The following MAML2 variants were observed in gnomAD, a reference collection of about 807,000 sequenced individuals.
MAML2 encodes the protein mastermind like transcriptional coactivator 2, also known as mastermind-like protein 2.
MAML2 carries 22 observed loss-of-function variants against 96.1 expected under a neutral mutation model. The ratio of observed to expected loss-of-function variants is 0.23; its 90% CI spans 0.16 to 0.33. The LOEUF (loss-of-function observed/expected upper bound fraction) is 0.33. Among genes scored for constraint, MAML2 ranks in the 10% least tolerant of loss-of-function variants. MAML2 has a pLI of 1.00. For missense variants in MAML2, 1,367 were observed against 1,392.4 expected (o/e 0.98, Z 0.29); for synonymous variants, 561 against 521.3 (o/e 1.08, Z -1.04).
intron 1 of MAML2, 52 bp downstream of exon 1, chr11:96,341,331 C>T: frequency 6.8e-7 from 1 of 1,471,912 alleles, no homozygotes; most frequent in Non-Finnish European, 9.0e-7. Flanking sequence ...ACTCTACCCT[C>T]ACAAAAGGTC....
intron 1 of MAML2, among the ~76,000 whole-genome samples, chr11:96,224,851 G>C (rs1844706771): frequency 6.6e-6 from 1 of 152,128 alleles, no homozygotes; most frequent in African/African-American, 2.4e-5. Context: ...GATTCTTCAA[G>C]TACTGGTGAT....
intron 1 of MAML2, among the ~76,000 whole-genome samples, chr11:96,211,985 C>T (rs543169906): frequency 2.6e-5 from 4 of 151,854 alleles, no homozygotes; most frequent in South Asian, 2.1e-4. Context: ...AATAGGAAAG[C>T]GATGTGCTGG....
chr11:96,147,769 A>G (rs1860842791), intron 1 of MAML2, among the ~76,000 whole-genome samples: 1 of 152,220 alleles, frequency 6.6e-6, no homozygotes, highest in African/African-American at 2.4e-5. Context: ...AGTTTTTTAC[A>G]CTCCAGTATG....
At chr11:96,258,531 T>C (rs1036941577) in intron 1 of MAML2, among the ~76,000 whole-genome samples, 1 of 152,182 alleles carries the variant, frequency 6.6e-6, no homozygotes, top group Non-Finnish European at 1.5e-5. Context: ...TTAGCTGTGA[T>C]TTGCAATGGG....
intron 1 of MAML2, among the ~76,000 whole-genome samples, chr11:96,141,051 T>TTATATATATAACTATATAA (rs1860722547): frequency 6.6e-6 from 1 of 152,174 alleles, no homozygotes; most frequent in Admixed American, 6.5e-5. Context: ...ATTTGGCCTG[T>TTATATATATAACTATATAA]CTTTACCATA....
chr11:96,329,021 G>A (rs566021568), intron 1 of MAML2, among the ~76,000 whole-genome samples: 51 of 152,142 alleles, frequency 3.4e-4, no homozygotes, highest in African/African-American at 1.2e-3. Context: ...ATGGAGAGAC[G>A]GATGTACACA....
At chr11:96,303,953 A>G (rs55966876) in intron 1 of MAML2, among the ~76,000 whole-genome samples, 1 of 152,220 alleles carries the variant, frequency 6.6e-6, no homozygotes, top group East Asian at 1.9e-4. Flanking sequence ...TCTTGTCACC[A>G]AATATGTAGT....
chr11:96,042,359 T>C (rs917247728), intron 2 of MAML2, among the ~76,000 whole-genome samples: 13 of 152,090 alleles, frequency 8.5e-5, no homozygotes, highest in African/African-American at 3.1e-4. Flanking sequence ...CGACCTCAGA[T>C]GATCCACCTG....
At chr11:96,328,010 C>A (rs1863808227) in intron 1 of MAML2, among the ~76,000 whole-genome samples, 1 of 152,036 alleles carries the variant, frequency 6.6e-6, no homozygotes, top group South Asian at 2.1e-4. Flanking sequence ...GCAGGAGAAT[C>A]ACTTCAACCC....
chr11:96,157,744 G>C (rs1273849825), intron 1 of MAML2, among the ~76,000 whole-genome samples: 1 of 152,154 alleles, frequency 6.6e-6, no homozygotes, highest in Non-Finnish European at 1.5e-5. Flanking sequence ...GCTAGATATA[G>C]ATATAGATAA....
intron 1 of MAML2, among the ~76,000 whole-genome samples, chr11:96,213,963 A>T (rs1565250963): frequency 1.3e-5 from 2 of 152,234 alleles, no homozygotes; most frequent in South Asian, 4.1e-4. Context: ...AAGAAAAGTT[A>T]GACAGAATGG....
chr11:96,138,609 A>G (rs1013335600), intron 1 of MAML2, among the ~76,000 whole-genome samples: 1 of 151,704 alleles, frequency 6.6e-6, no homozygotes, highest in Non-Finnish European at 1.5e-5. Context: ...GCATTCAGAG[A>G]GGGTAAGAAA....
intron 1 of MAML2, among the ~76,000 whole-genome samples, chr11:96,330,980 C>A (rs1282314223): frequency 6.6e-6 from 1 of 152,094 alleles, no homozygotes; most frequent in Non-Finnish European, 1.5e-5. Context: ...ATTTAAAAAG[C>A]CATCTACCAG....
chr11:96,003,861 T>A (rs913134169), intron 2 of MAML2, among the ~76,000 whole-genome samples: 3 of 152,134 alleles, frequency 2.0e-5, no homozygotes, highest in Admixed American at 6.5e-5. Flanking sequence ...ATAGTGATGG[T>A]AGCATAGTAT....
chr11:96,088,084 A>G (rs1036501663), intron 2 of MAML2, among the ~76,000 whole-genome samples: 1 of 152,222 alleles, frequency 6.6e-6, no homozygotes. Flanking sequence ...GGCAGAGAAC[A>G]TTAGGAGATG....
intron 1 of MAML2, among the ~76,000 whole-genome samples, chr11:96,101,775 G>A (rs1230144283): frequency 1.1e-5 from 1 of 91,436 alleles, no homozygotes; most frequent in East Asian, 2.0e-4. Flanking sequence ...ACTATCCTAT[G>A]GACAAGGCAT....
chr11:96,175,957 A>G (rs1861381038), intron 1 of MAML2, among the ~76,000 whole-genome samples: 1 of 152,184 alleles, frequency 6.6e-6, no homozygotes, highest in African/African-American at 2.4e-5. Flanking sequence ...GGTTGCCTCT[A>G]ATTCACATAA....
intron 1 of MAML2, among the ~76,000 whole-genome samples, chr11:96,259,017 T>C (rs1862710003): frequency 6.6e-6 from 1 of 152,176 alleles, no homozygotes; most frequent in Admixed American, 6.5e-5. Flanking sequence ...ACACTAACTC[T>C]GTTCAGAACT....
intron 1 of MAML2, among the ~76,000 whole-genome samples, chr11:96,186,562 C>G (rs751212482): frequency 6.6e-6 from 1 of 152,060 alleles, no homozygotes; most frequent in Non-Finnish European, 1.5e-5. Flanking sequence ...GCACTCCAGC[C>G]TGGGCAACAA....
Sources: gnomAD v4.1 joint callset for allele counts (sites outside exome capture counted in the v4.1 genomes callset) on GRCh38, gnomAD v4.1.1 for gene constraint, MANE v1.5 for transcripts, NCBI Gene and HGNC (gene_info 2026-07-23, HGNC 2026-07-21) for gene names.